ABHD2: variants seen among roughly 807,000 people sequenced by gnomAD.
ABHD2 encodes the protein abhydrolase domain containing 2, acylglycerol lipase, also known as monoacylglycerol lipase ABHD2.
Under a neutral mutation model 48.1 loss-of-function variants are expected in ABHD2, and 20 were observed. That is an observed-to-expected ratio of 0.42 (90% CI 0.29 to 0.60). The LOEUF (loss-of-function observed/expected upper bound fraction) is 0.60. Ranked by LOEUF, ABHD2 falls within the 20% of genes least tolerant of loss-of-function variation. The pLI, the probability that ABHD2 is intolerant of heterozygous loss-of-function variation, is 0.24. For synonymous variants in ABHD2, 209 were observed against 214.2 expected, an observed-to-expected ratio of 0.98 and a Z score of 0.21; for missense variants, 405 against 550.9, an observed-to-expected ratio of 0.74 and a Z score of 2.65.
At chr15:89,108,047 C>T (rs2049814986) in intron 1 of ABHD2, among the ~76,000 whole-genome samples, 1 of 152,164 alleles carries the variant, frequency 6.6e-6, no homozygotes, top group Non-Finnish European at 1.5e-5. Context: ...GTGTTCATGT[C>T]AGTTAGCTGT....
At chr15:89,119,345 C>T (rs1300312555) in intron 3 of ABHD2, among the ~76,000 whole-genome samples, 1 of 152,154 alleles carries the variant, frequency 6.6e-6, no homozygotes, top group Non-Finnish European at 1.5e-5. Flanking sequence ...TTTATTGCCC[C>T]CCCATCCTTC....
the ABHD2 span, among the ~76,000 whole-genome samples, chr15:89,082,090 C>A: frequency 3.3e-5 from 5 of 152,090 alleles, no homozygotes; most frequent in African/African-American, 1.2e-4. The surrounding 1 kb of genome is among the most constrained non-coding windows in gnomAD (Gnocchi z 4.4). Context: ...GTCAACAGCA[C>A]CCCTGCAGTT....
At position 89,091,607 on chromosome 15, in the gene ABHD2, G is replaced by C. The variant is rs934973056; in HGVS notation, c.-107+3044G>C. On this transcript the variant is annotated intron_variant, in intron 1 of 10. Transcript: ENST00000352732. This position sits in a 1 kb window ranked among gnomAD's most constrained non-coding sequence, Gnocchi z 5.5. ...TGCCCTTGTTCAGAGCTCCTGCCCC[G>C]AGCAGGAAATAATTTCTTTGGTCTT... 6.6e-6 allele frequency among the ~76,000 whole-genome samples: 1 copy of C among 152,110 alleles called. No individual in the cohort carries two copies. Among genetic ancestry groups the C allele is most frequent in the African/African-American group, 2.4e-5 (1 of 41,424 alleles).
In ABHD2 at chr15:89,113,792, T is replaced by C. The variant is rs186314767; in HGVS notation, c.-39T>C. 1 of 152,344 alleles carries C rather than the reference T, an allele frequency of 6.6e-6. No individual in the cohort carries two copies. The highest frequency in any genetic ancestry group is 1.5e-5 in the Non-Finnish European group (1 of 68,036). 9.4% of individuals were successfully genotyped at this position (152,344 alleles called of 1,614,324 possible). On this transcript the variant is annotated 5_prime_UTR_variant, in exon 2 of 11. Transcript: ENST00000352732. ...AACTGTACAACTCTTCAAGGAAAAT[T>C]CGTATTTGCAGTGGGAAGAATAAGT...
rs1400890919 is a variant in ABHD2, at chr15:89,201,923, T to C, written c.*6500T>C. 3 of 561,016 alleles carry C rather than the reference T, an allele frequency of 5.3e-6. No individual in the cohort carries two copies. The highest frequency in any genetic ancestry group is 9.4e-6 in the Non-Finnish European group (3 of 317,936). The allele number at this position is 561,016 out of a possible 1,614,324, so 34.8% of individuals were successfully genotyped here. A position where few individuals can be genotyped will look rare whatever the true frequency, so the allele number is the denominator to read the frequency against. On this transcript the variant is annotated 3_prime_UTR_variant, in exon 11 of 11. Coordinates refer to ENST00000352732, the MANE Select transcript of ABHD2 (RefSeq NM_152924.5). The stretch of plus-strand genomic sequence containing the variant: ...CTGGTTAGACTCTGTTCAACCACAT[T>C]CTTATGTTGGCAGATCTGCTTCCAG...
chr15:89,168,113 T>C lies in ABHD2; in HGVS notation c.539-7699T>C, dbSNP rs2050864606. On this transcript the variant is annotated intron_variant, in intron 5 of 10. Transcript: ENST00000352732. The surrounding 1 kb of genome is among the most constrained non-coding windows in gnomAD (Gnocchi z 4.8). Reference sequence around the variant, plus strand: ...ATTTTAGCCTATTTAGTCATGCTAGTGTCATTTGGGGAAGTGGCTGTTGAA... The same window carrying C: ...ATTTTAGCCTATTTAGTCATGCTAGCGTCATTTGGGGAAGTGGCTGTTGAA... 6.6e-6 allele frequency among the ~76,000 whole-genome samples: 1 copy of C among 152,196 alleles called. No homozygotes were observed. The highest frequency in any genetic ancestry group is 2.1e-4 in the South Asian group (1 of 4,834).
rs2049585404 is a variant in ABHD2, at chr15:89,094,771, A to G, written c.-107+6208A>G. Among the ~76,000 whole-genome samples, 1 of 151,908 alleles carries G rather than the reference A, an allele frequency of 6.6e-6. No individual in the cohort carries two copies. Among genetic ancestry groups the G allele is most frequent in the East Asian group, 1.9e-4 (1 of 5,168 alleles). ...AATACAAAAGCCCTGTCATCTAAAAAGATATTTTAGCCTGGGTGCGGTGGC... is the reference window on the plus strand; with the variant it reads ...AATACAAAAGCCCTGTCATCTAAAAGGATATTTTAGCCTGGGTGCGGTGGC... On this transcript the variant is annotated intron_variant, in intron 1 of 10. Coordinates refer to ENST00000352732, the MANE Select transcript of ABHD2 (RefSeq NM_152924.5). The surrounding 1 kb of genome is among the most constrained non-coding windows in gnomAD (Gnocchi z 4.7).
intron 3 of ABHD2, among the ~76,000 whole-genome samples, chr15:89,138,001 G>C (rs1260108317): frequency 1.3e-5 from 2 of 152,196 alleles, no homozygotes; most frequent in Non-Finnish European, 2.9e-5. Context: ...ATGGGCTCAC[G>C]AAGGACCTGC....
chr15:89,163,149 A>G (rs918656464), intron 5 of ABHD2, among the ~76,000 whole-genome samples: 1 of 152,230 alleles, frequency 6.6e-6, no homozygotes, highest in Non-Finnish European at 1.5e-5. Flanking sequence ...GGGCATTAAC[A>G]TGAAACTCTA....
At chr15:89,163,770 G>T (rs1483021937) in intron 5 of ABHD2, among the ~76,000 whole-genome samples, 1 of 152,214 alleles carries the variant, frequency 6.6e-6, no homozygotes, top group Non-Finnish European at 1.5e-5. Context: ...TTTGCTGTGT[G>T]CCAGGCACTG....
chr15:89,201,436 G>T lies in ABHD2; in HGVS notation c.*6013G>T, dbSNP rs1019989242. 1.5e-6 allele frequency: 2 copies of T among 1,324,084 alleles called. No homozygotes were observed. The highest frequency in any genetic ancestry group is 2.2e-6 in the Non-Finnish European group (2 of 929,934). 82.0% of individuals were successfully genotyped at this position (1,324,084 alleles called of 1,614,324 possible). A position where few individuals can be genotyped will look rare whatever the true frequency, so the allele number is the denominator to read the frequency against. Reference sequence around the variant, plus strand: ...CATTTTCATTGGGGATCTCCATTTGGAATCCATTAATTCATGAGGTTTTGC... The same window carrying T: ...CATTTTCATTGGGGATCTCCATTTGTAATCCATTAATTCATGAGGTTTTGC... On this transcript the variant is annotated 3_prime_UTR_variant, in exon 11 of 11. Transcript: ENST00000352732.
At chr15:89,127,217 C>T (rs145341589) in intron 3 of ABHD2, among the ~76,000 whole-genome samples, 4 of 152,280 alleles carry the variant, frequency 2.6e-5, no homozygotes, top group Admixed American at 6.5e-5. Context: ...ACCACCCTAA[C>T]TCTACCTGCT....
chr15:89,045,258 A>G, the ABHD2 span, among the ~76,000 whole-genome samples: 21 of 151,534 alleles, frequency 1.4e-4, no homozygotes, highest in Non-Finnish European at 2.4e-4. Context: ...TGTTCCATTG[A>G]TCTATATCTC....
intron 3 of ABHD2, among the ~76,000 whole-genome samples, chr15:89,147,342 G>A (rs982674169): frequency 2.7e-5 from 4 of 146,846 alleles, no homozygotes; most frequent in African/African-American, 1.0e-4. Flanking sequence ...ATTGGGTATT[G>A]CATAGCTCTT....
At chr15:89,045,145 CA>C in the ABHD2 span, among the ~76,000 whole-genome samples, 12 of 152,110 alleles carry the variant, frequency 7.9e-5, no homozygotes, top group African/African-American at 2.4e-4. Context: ...TTCCCAGCAC[CA>C]TTTATTAAAT....
At chr15:89,170,025 C>T (rs1441547515) in intron 5 of ABHD2, among the ~76,000 whole-genome samples, 3 of 143,536 alleles carry the variant, frequency 2.1e-5, no homozygotes, top group Non-Finnish European at 3.0e-5. Flanking sequence ...CACTGTTTCA[C>T]CCCTTGTTTT....
chr15:89,042,105 T>A, the ABHD2 span, among the ~76,000 whole-genome samples: 1 of 152,172 alleles, frequency 6.6e-6, no homozygotes, highest in Non-Finnish European at 1.5e-5. Context: ...AAACTTATCC[T>A]CATAGCCACT....
At chr15:89,119,861 C>T (rs1238028168) in intron 3 of ABHD2, among the ~76,000 whole-genome samples, 2 of 152,172 alleles carry the variant, frequency 1.3e-5, no homozygotes, top group Non-Finnish European at 2.9e-5. Flanking sequence ...GCAGGAAACA[C>T]GTCTGTTATG....
Position 89,116,230 on chromosome 15 carries a change from G to A in ABHD2, c.-6-92G>A. Reference sequence around the variant, plus strand: ...GAATTGTGACACACCGTCACTGGCAGTATCTCTTAGCCCACCATGCGTCTG... The same window carrying A: ...GAATTGTGACACACCGTCACTGGCAATATCTCTTAGCCCACCATGCGTCTG... On this transcript the variant is annotated intron_variant, in intron 2 of 10. Transcript: ENST00000352732. This position sits in a 1 kb window ranked among gnomAD's most constrained non-coding sequence, Gnocchi z 4.6. 2.5e-6 allele frequency: 3 copies of A among 1,200,240 alleles called. No individual in the cohort carries two copies. Among genetic ancestry groups the A allele is most frequent in the Non-Finnish European group, 3.5e-6 (3 of 847,046 alleles). The allele number at this position is 1,200,240 out of a possible 1,614,324, so 74.3% of individuals were successfully genotyped here.
Sources: gnomAD v4.1 joint callset for allele counts (sites outside exome capture counted in the v4.1 genomes callset) on GRCh38, gnomAD v4.1.1 for gene constraint, Gnocchi (gnomAD v3.1) non-coding constraint, MANE v1.5 for transcripts, NCBI Gene and HGNC (gene_info 2026-07-23, HGNC 2026-07-21) for gene names.